The following RFX2 variants were observed in gnomAD, a reference collection of about 807,000 sequenced individuals.
The protein encoded by RFX2 is regulatory factor X2, also known as DNA-binding protein RFX2.
RFX2 carries 20 observed loss-of-function variants against 87.8 expected under a neutral mutation model. The ratio of observed to expected loss-of-function variants is 0.23; its 90% CI spans 0.16 to 0.33. The LOEUF (loss-of-function observed/expected upper bound fraction) is 0.33, where lower values mean the gene tolerates loss of function less well. Among genes scored for constraint, RFX2 ranks in the 10% least tolerant of loss-of-function variants. The pLI is 1.00. For missense variants in RFX2, 767 were observed against 1,012.3 expected (o/e 0.76, Z 3.29); for synonymous variants, 397 against 431.3 (o/e 0.92, Z 0.98).
In RFX2 at chr19:6,017,382, C is replaced by T. The variant is rs1238786524; in HGVS notation, c.598-1111G>A. ...CACTGGGCATGGACGCAAAGGTGGC[C>T]TGCCCACCAACTGATGCCCTCACCC... On this transcript the variant is annotated intron_variant, in intron 6 of 17. Transcript: ENST00000303657. This position sits in a 1 kb window ranked among gnomAD's most constrained non-coding sequence, Gnocchi z 4.1. Among the ~76,000 whole-genome samples, 2 of 152,214 alleles carry T rather than the reference C, an allele frequency of 1.3e-5. No individual in the cohort carries two copies. The highest frequency in any genetic ancestry group is 2.9e-5 in the Non-Finnish European group (2 of 68,040).
intron 1 of RFX2, among the ~76,000 whole-genome samples, chr19:6,070,542 G>T (rs1407268814): frequency 6.6e-6 from 1 of 151,974 alleles, no homozygotes; most frequent in East Asian, 1.9e-4. Flanking sequence ...TGATGACCTA[G>T]GTCCACAGAC....
At chr19:6,087,616 C>G (rs567344784) in intron 1 of RFX2, among the ~76,000 whole-genome samples, 1 of 152,092 alleles carries the variant, frequency 6.6e-6, no homozygotes, top group Non-Finnish European at 1.5e-5. Flanking sequence ...CAGAGAAGCC[C>G]GATTCCAATT....
rs66503447 is a variant in RFX2 at position 6,083,548 on chromosome 19, GT to G, written c.-9+26844del. 0.23 allele frequency among the ~76,000 whole-genome samples: 32,896 copies of G among 143,414 alleles called. 3,905 individuals are homozygous for G. Among genetic ancestry groups the G allele is most frequent in the Middle Eastern group, 0.31 (88 of 282 alleles). The allele number at this position is 143,414 out of a possible 152,430, so 94.1% of individuals were successfully genotyped here. ...TGTGCTAGATGTAGTCTGCTGACCC[GT>G]TTTTTTTTTTTTTAATTTTTATTCA... On this transcript the variant is annotated intron_variant, in intron 1 of 17. Transcript: ENST00000303657. This position sits in a 1 kb window ranked among gnomAD's most constrained non-coding sequence, Gnocchi z 4.6.
In RFX2 at chr19:5,994,907, G is replaced by T. The variant is rs1053405905; in HGVS notation, c.2100C>A (p.Asp700Glu). ...DEQRGSEAGP[D>E]ARSLGEPLVK... ...CCAGGGGCTCACCCAGGCTGCGGGC[G>T]TCTGGGCCCGCCTCGCTGCCACGCT... The change falls in exon 18 of 18, where the codon GAC (aspartate) becomes GAA (glutamate). Residue 700 changes from aspartate to glutamate, a missense_variant. Physicochemically the swap from Asp to Glu is conservative, Grantham distance 45. This residue lies in a region of RFX2 where 621 missense variants were observed against 873.0 expected (regional missense o/e 0.71). Coordinates refer to ENST00000303657, the MANE Select transcript of RFX2 (RefSeq NM_000635.4). 6.2e-7 allele frequency: 1 copy of T among 1,609,512 alleles called. No individual in the cohort carries two copies. Among genetic ancestry groups the T allele is most frequent in the African/African-American group, 1.3e-5 (1 of 75,064 alleles).
rs1451436123 is a variant in RFX2 at position 6,074,698 on chromosome 19, G to A, written c.-8-27194C>T. Among the ~76,000 whole-genome samples the A allele has an allele frequency of 2.6e-5, 4 of 152,082 alleles. No homozygotes were observed. Among genetic ancestry groups the A allele is most frequent in the African/African-American group, 9.7e-5 (4 of 41,370 alleles). ...ACACTCAAATGCACAAGTGGAGTGC[G>A]GCATGGGCCAGGGGCAACAAGGTGA... is the stretch of plus-strand genomic sequence containing the variant. On this transcript the variant is annotated intron_variant, in intron 1 of 17. Transcript: ENST00000303657. The surrounding 1 kb of genome is among the most constrained non-coding windows in gnomAD (Gnocchi z 5.2).
chr19:6,019,313 T>A (rs2086774051), intron 6 of RFX2, among the ~76,000 whole-genome samples: 1 of 152,154 alleles, frequency 6.6e-6, no homozygotes, highest in African/African-American at 2.4e-5. Context: ...CATCAAGTCA[T>A]TCACACCCTT....
intron 1 of RFX2, among the ~76,000 whole-genome samples, chr19:6,094,724 C>A (rs1417062921): frequency 6.6e-6 from 1 of 152,064 alleles, no homozygotes; most frequent in Non-Finnish European, 1.5e-5. Flanking sequence ...TGAAATATCT[C>A]GACAATAATT....
chr19:6,004,153 G>A lies in RFX2; in HGVS notation c.1500+48C>T, dbSNP rs375021225. On this transcript the variant is annotated intron_variant, in intron 13 of 17. Transcript: ENST00000303657. This position sits in a 1 kb window ranked among gnomAD's most constrained non-coding sequence, Gnocchi z 4.8. The stretch of plus-strand genomic sequence containing the variant: ...GGTCCTCATGCTGTCCTGGACTGGA[G>A]CCCCTCCCAGCCATCGTTGGGGAGC... The A allele has an allele frequency of 1.0e-4, 140 of 1,394,718 alleles. No homozygotes were observed. The highest frequency in any genetic ancestry group is 1.4e-4 in the East Asian group (6 of 43,826). 86.4% of individuals were successfully genotyped at this position (1,394,718 alleles called of 1,614,324 possible).
chr19:6,009,342 C>A (rs575409461), intron 9 of RFX2, among the ~76,000 whole-genome samples: 1 of 152,318 alleles, frequency 6.6e-6, no homozygotes, highest in South Asian at 2.1e-4. Context: ...CCCCCCACCC[C>A]CCTGCCCTCC....
At position 6,106,631 on chromosome 19, in the gene RFX2, C is replaced by A. The variant is rs78846755; in HGVS notation, c.-9+3762G>T. 5.3e-5 allele frequency among the ~76,000 whole-genome samples: 8 copies of A among 152,194 alleles called. No homozygotes were observed. In the South Asian group the frequency reaches 1.5e-3, roughly 28 times the overall value. On this transcript the variant is annotated intron_variant, in intron 1 of 17. Transcript: ENST00000303657. ...ACCCATAGTTTCAGAGACAGGCCCA[C>A]AGACTCGCATTCTCCTCCCCTGCAG...
rs180944717 is a variant in RFX2, at chr19:6,017,274, C to G, written c.598-1003G>C. ...AACAAAAAGATGGGCTAAATGAGTC[C>G]CGAGCCAAGGACTATGCCTCGAGAG... On this transcript the variant is annotated intron_variant, in intron 6 of 17. Transcript: ENST00000303657. This position sits in a 1 kb window ranked among gnomAD's most constrained non-coding sequence, Gnocchi z 4.1. Among the ~76,000 whole-genome samples the G allele has an allele frequency of 2.0e-4, 31 of 152,228 alleles. 1 individual carries two copies. The highest frequency in any genetic ancestry group is 3.4e-3 in the Middle Eastern group (1 of 294).
At chr19:6,049,818 G>A (rs570868568) in intron 1 of RFX2, among the ~76,000 whole-genome samples, 19 of 152,302 alleles carry the variant, frequency 1.2e-4, no homozygotes, top group Admixed American at 8.5e-4. Flanking sequence ...ATAAGCCACC[G>A]TGCCCAGCCT....
At chr19:6,090,150 T>C (rs1214405316) in intron 1 of RFX2, among the ~76,000 whole-genome samples, 1 of 152,082 alleles carries the variant, frequency 6.6e-6, no homozygotes, top group Non-Finnish European at 1.5e-5. Flanking sequence ...GAATTTTTCA[T>C]AGAGACAGGG....
rs1026761343 is a variant in RFX2 at position 6,063,147 on chromosome 19, G to C, written c.-8-15643C>G. On this transcript the variant is annotated intron_variant, in intron 1 of 17. Coordinates refer to ENST00000303657, the MANE Select transcript of RFX2 (RefSeq NM_000635.4). This position sits in a 1 kb window ranked among gnomAD's most constrained non-coding sequence, Gnocchi z 4.0. ...CTACTTGGTTTGAAACTCTCCCCTG[G>C]CGCCTGCTCTGTGGGGAAAGCCGGG... Among the ~76,000 whole-genome samples, 1 of 152,088 alleles carries C rather than the reference G, an allele frequency of 6.6e-6. No individual in the cohort carries two copies. The highest frequency in any genetic ancestry group is 6.5e-5 in the Admixed American group (1 of 15,278).
At chr19:6,038,724 C>T (rs561027488) in intron 5 of RFX2, among the ~76,000 whole-genome samples, 292 of 152,308 alleles carry the variant, frequency 1.9e-3, no homozygotes, top group Admixed American at 3.7e-3. Flanking sequence ...TGAAAAGCTG[C>T]TACCATCATT....
At chr19:6,065,865 G>A (rs2087502183) in intron 1 of RFX2, among the ~76,000 whole-genome samples, 1 of 152,024 alleles carries the variant, frequency 6.6e-6, no homozygotes, top group African/African-American at 2.4e-5. Context: ...GTTACAGGCG[G>A]CACTTTTGCG....
intron 1 of RFX2, among the ~76,000 whole-genome samples, chr19:6,066,319 C>T (rs1223578377): frequency 6.6e-6 from 1 of 152,134 alleles, no homozygotes; most frequent in Non-Finnish European, 1.5e-5. Context: ...CAATTTCCAC[C>T]CTCAGCCAAC....
intron 13 of RFX2, among the ~76,000 whole-genome samples, chr19:6,003,648 G>A (rs998054150): frequency 2.7e-4 from 41 of 151,714 alleles, no homozygotes; most frequent in South Asian, 8.4e-4. Context: ...GTGTGGTGGC[G>A]GGCACCTGTA....
At position 5,995,455 on chromosome 19, in the gene RFX2, G is replaced by C. The variant is rs1179991717; in HGVS notation, c.2056+146C>G. 7.7e-6 allele frequency: 6 copies of C among 783,752 alleles called. No homozygotes were observed. In the Admixed American group the frequency reaches 1.1e-4, roughly 14 times the overall value. 48.5% of individuals were successfully genotyped at this position (783,752 alleles called of 1,614,324 possible). A position where few individuals can be genotyped will look rare whatever the true frequency, so the allele number is the denominator to read the frequency against. On this transcript the variant is annotated intron_variant, in intron 17 of 17. Coordinates refer to ENST00000303657, the MANE Select transcript of RFX2 (RefSeq NM_000635.4). ...ACCTGCTGCTCAGGCATCACCCACT[G>C]TCCGGATGACAGATCCCAGGGCCCT...
Sources: gnomAD v4.1 joint callset for allele counts (sites outside exome capture counted in the v4.1 genomes callset) on GRCh38, gnomAD v4.1.1 for gene constraint, gnomAD v4.1.1 regional missense constraint, Gnocchi (gnomAD v3.1) non-coding constraint, MANE v1.5 for transcripts, NCBI Gene and HGNC (gene_info 2026-07-23, HGNC 2026-07-21) for gene names.